UEVLD: variants seen among roughly 807,000 people sequenced by gnomAD.
UEVLD encodes UEV and lactate/malate dehyrogenase domains, also known as ubiquitin-conjugating enzyme E2 variant 3.
A neutral mutation model predicts 58.6 loss-of-function variants in UEVLD; 47 were observed. That is an observed-to-expected ratio of 0.80 (90% CI 0.63 to 1.02). The LOEUF is 1.02. UEVLD is among the 50% of genes least tolerant of loss of function. The probability of loss-of-function intolerance (pLI) is 0.00; values close to 1 mark genes in which losing one functional copy is unlikely to be tolerated. For synonymous variants in UEVLD, 197 were observed against 195.3 expected (o/e 1.01, Z -0.07); for missense variants, 510 against 550.6 (o/e 0.93, Z 0.74).
chr11:18,558,299 A>C lies in UEVLD; in HGVS notation c.644T>G (p.Leu215Arg). The C allele has an allele frequency of 6.2e-7, 1 of 1,613,142 alleles. No homozygotes were observed. Among genetic ancestry groups the C allele is most frequent in the Non-Finnish European group, 8.5e-7 (1 of 1,179,594 alleles). ...GIADRLVLLD[L>R]SEGTKGATMD... is the part of the protein sequence containing the mutation. ...CGTGGCTCCTTTAGTCCCTTCTGAG[A>C]GGTCTAAGAGGACAAGCCTGTCTGC... The change falls in exon 7 of 12, where the codon CTC becomes CGC. Residue 215 changes from leucine to arginine, a missense_variant. Physicochemically the swap from Leu to Arg is moderately radical, Grantham distance 102. Transcript: ENST00000396197.
Position 18,534,357 on chromosome 11 carries a change from T to C in UEVLD, c.1221A>G (p.Lys407=). ...MVDSIVNNKK[K]VHSVSALAKG... is the part of the protein sequence containing the mutation. The stretch of plus-strand genomic sequence containing the variant: ...TTGCTAAAGCTGATACAGAATGCAC[T>C]TTCTTCTTATTGTTTACAATACTGT... Residue 407 remains lysine, a synonymous_variant, in exon 11 of 12, where the codon AAA becomes AAG. Coordinates refer to ENST00000396197, the MANE Select transcript of UEVLD (RefSeq NM_001040697.4). 6.4e-7 allele frequency: 1 copy of C among 1,556,542 alleles called. No individual in the cohort carries two copies. Among genetic ancestry groups the C allele is most frequent in the Admixed American group, 2.2e-5 (1 of 46,448 alleles).
At position 18,586,731 on chromosome 11, in the gene UEVLD, T is replaced by TG. The variant is rs541193502; in HGVS notation, c.42+1881dup. ...AAACAATATTATTTGCAGACTGCAG[T>TG]GAATGGTCAGGAAACTTCATATATT... On this transcript the variant is annotated intron_variant, in intron 1 of 11. Transcript: ENST00000396197. Among the ~76,000 whole-genome samples the TG allele has an allele frequency of 3.5e-4, 54 of 152,270 alleles. 1 individual carries two copies. The East Asian group carries it at 9.8e-3, about 28-fold the overall frequency.
intron 1 of UEVLD, among the ~76,000 whole-genome samples, 164 bp downstream of exon 1, chr11:18,588,449 C>T (rs770403182): frequency 6.6e-6 from 1 of 152,158 alleles, no homozygotes; most frequent in African/African-American, 2.4e-5. Flanking sequence ...CAGGTCCCCT[C>T]AGCCTCCCTG....
chr11:18,565,802 A>T (rs1350369849), intron 5 of UEVLD, among the ~76,000 whole-genome samples: 1 of 152,012 alleles, frequency 6.6e-6, no homozygotes, highest in East Asian at 1.9e-4. Flanking sequence ...TGGGTGACAC[A>T]GCGAGACTCC....
chr11:18,554,590 T>C (rs1250730634), intron 7 of UEVLD, among the ~76,000 whole-genome samples: 2 of 144,660 alleles, frequency 1.4e-5, no homozygotes, highest in Admixed American at 7.0e-5. Context: ...TAGAGATGGG[T>C]TTCCACCATG....
intron 7 of UEVLD, among the ~76,000 whole-genome samples, chr11:18,552,326 C>T (rs1388116053): frequency 1.3e-5 from 2 of 152,172 alleles, no homozygotes; most frequent in Admixed American, 1.3e-4. Context: ...AGGTGGATCA[C>T]TTGAGGCCAC....
intron 7 of UEVLD, among the ~76,000 whole-genome samples, chr11:18,551,151 G>A (rs1219064411): frequency 2.0e-5 from 3 of 152,112 alleles, no homozygotes; most frequent in East Asian, 1.9e-4. Flanking sequence ...AGGATAGGCC[G>A]GGTGCAGTGG....
At chr11:18,571,915 G>A (rs1327946901) in intron 3 of UEVLD, among the ~76,000 whole-genome samples, 6 of 152,140 alleles carry the variant, frequency 3.9e-5, no homozygotes, top group Non-Finnish European at 8.8e-5. Flanking sequence ...TCTAGCCTAG[G>A]CAACAGAGCA....
chr11:18,564,794 C>A, intron 6 of UEVLD, 98 bp downstream of exon 6: 3 of 732,948 alleles, frequency 4.1e-6, no homozygotes, highest in East Asian at 6.3e-5. Flanking sequence ...TAAGGTTTTC[C>A]CACGACAAAA....
intron 3 of UEVLD, among the ~76,000 whole-genome samples, chr11:18,574,243 G>A (rs892219517): frequency 1.3e-5 from 2 of 152,236 alleles, no homozygotes; most frequent in African/African-American, 4.8e-5. Context: ...CTGAGTTCAA[G>A]AGATTCCCCT....
chr11:18,571,282 G>A (rs996526709), intron 3 of UEVLD, among the ~76,000 whole-genome samples: 1 of 152,188 alleles, frequency 6.6e-6, no homozygotes, highest in Admixed American at 6.5e-5. Context: ...AGGAGGCATA[G>A]GTTGCAGTGA....
At position 18,560,090 on chromosome 11, in the gene UEVLD, T is replaced by TACACACACACACACACACACACACACAC. The variant is rs71050609; in HGVS notation, c.613-1788_613-1761dup. Among the ~76,000 whole-genome samples, 177 of 76,086 alleles carry TACACACACACACACACACACACACACAC rather than the reference T, an allele frequency of 2.3e-3. 4 individuals carry two copies. The highest frequency in any genetic ancestry group is 3.0e-3 in the East Asian group (7 of 2,316). The allele number at this position is 76,086 out of a possible 152,430, so 49.9% of individuals were successfully genotyped here. Reference sequence around the variant, plus strand: ...GGGCAACATGGCAAAACCCCGTCTCTACACACACACACACACACACACACA... The same window carrying TACACACACACACACACACACACACACAC: ...GGGCAACATGGCAAAACCCCGTCTCTACACACACACACACACACACACACACACACACACACACACACACACACACACA... On this transcript the variant is annotated intron_variant, in intron 6 of 11. Transcript: ENST00000396197.
intron 7 of UEVLD, among the ~76,000 whole-genome samples, chr11:18,555,951 GA>G (rs1219957313): frequency 6.7e-6 from 1 of 148,748 alleles, no homozygotes; most frequent in Admixed American, 6.7e-5. Context: ...CTTGTCTCTA[GA>G]AAAAAAAAAT....
At chr11:18,583,583 A>G (rs1318221939) in intron 1 of UEVLD, among the ~76,000 whole-genome samples, 1 of 152,106 alleles carries the variant, frequency 6.6e-6, no homozygotes, top group African/African-American at 2.4e-5. Flanking sequence ...ACACTGAGGA[A>G]TAATAATACT....
chr11:18,585,613 C>T (rs983712398), intron 1 of UEVLD, among the ~76,000 whole-genome samples: 2 of 151,742 alleles, frequency 1.3e-5, no homozygotes, highest in African/African-American at 4.8e-5. Flanking sequence ...TCAAATCTAT[C>T]ATCTATTCTT....
Position 18,544,767 on chromosome 11 carries a change from G to A in UEVLD, c.916C>T (p.Leu306=). The A allele has an allele frequency of 6.4e-7, 1 of 1,561,102 alleles. No homozygotes were observed. Among genetic ancestry groups the A allele is most frequent in the African/African-American group, 1.4e-5 (1 of 71,208 alleles). Reference sequence around the variant, plus strand: ...ACTCGATTTGCAGGAAATGTACTCAGTTTCCATGTTACATAGGTCATGATT... The same window carrying A: ...ACTCGATTTGCAGGAAATGTACTCAATTTCCATGTTACATAGGTCATGATT... ...VEIMTYVTWK[L]STFPANRVIG... Residue 306 remains leucine (L), a synonymous_variant, in exon 9 of 12, where the codon CTG becomes TTG. Transcript: ENST00000396197.
At chr11:18,540,257 C>T (rs999681935) in intron 9 of UEVLD, among the ~76,000 whole-genome samples, 1 of 152,154 alleles carries the variant, frequency 6.6e-6, no homozygotes, top group Non-Finnish European at 1.5e-5. Context: ...ATCTGGAAAA[C>T]CACTACCTCC....
intron 4 of UEVLD, among the ~76,000 whole-genome samples, chr11:18,567,719 CCT>C (rs778363386): frequency 2.0e-4 from 30 of 152,216 alleles, no homozygotes; most frequent in Non-Finnish European, 3.7e-4. Context: ...GCCTAGATGA[CCT>C]CTAGATTCCT....
intron 6 of UEVLD, among the ~76,000 whole-genome samples, chr11:18,562,881 AC>A (rs1314550557): frequency 2.0e-5 from 3 of 151,880 alleles, no homozygotes; most frequent in Non-Finnish European, 4.4e-5. Flanking sequence ...ACCTATCTCT[AC>A]AAAAAAACTA....
Sources: gnomAD v4.1 joint callset for allele counts (sites outside exome capture counted in the v4.1 genomes callset) on GRCh38, gnomAD v4.1.1 for gene constraint, MANE v1.5 for transcripts, NCBI Gene and HGNC (gene_info 2026-07-23, HGNC 2026-07-21) for gene names.